C12orf42: variants seen among roughly 807,000 people sequenced by gnomAD.
C12orf42 encodes the protein uncharacterized protein C12orf42.
In C12orf42, 25 loss-of-function variants were observed where a neutral mutation model predicts 21.6. The observed-to-expected ratio is 1.16, with a 90% CI of 0.84 to 1.62. C12orf42 has a LOEUF of 1.62. Among genes scored for constraint, C12orf42 ranks in the 40% most tolerant of loss-of-function variants. The pLI, the probability that C12orf42 is intolerant of heterozygous loss-of-function variation, is 0.00. For missense variants in C12orf42, 483 were observed against 459.3 expected, an observed-to-expected ratio of 1.05 and a Z score of -0.47; for synonymous variants, 174 against 175.0, an observed-to-expected ratio of 0.99 and a Z score of 0.05.
At chr12:103,230,072 G>A in the C12orf42 span, among the ~76,000 whole-genome samples, 3 of 152,188 alleles carry the variant, frequency 2.0e-5, no homozygotes, top group African/African-American at 7.2e-5. Context: ...TTGTTTAAAT[G>A]ATCAAATATT....
intron 2 of C12orf42, among the ~76,000 whole-genome samples, chr12:103,415,559 A>G (rs185163418): frequency 5.9e-5 from 9 of 152,310 alleles, no homozygotes; most frequent in African/African-American, 2.2e-4. Context: ...ATTTTTAAAA[A>G]CTGAAATCAT....
rs1350099731 is a variant in C12orf42, at chr12:103,473,166, A to G, written c.78+5183T>C. Among the ~76,000 whole-genome samples, 4 of 152,358 alleles carry G rather than the reference A, an allele frequency of 2.6e-5. No individual in the cohort carries two copies. In the East Asian group the frequency reaches 7.7e-4, roughly 29 times the overall value. ...TTACAATGCCATTTCTTTGATTAAT[A>G]CAGTACTTTACAGTTGACAAAATAA... On this transcript the variant is annotated intron_variant, in intron 2 of 5. Transcript: ENST00000548883.
chr12:103,178,877 C>T, the C12orf42 span, among the ~76,000 whole-genome samples: 14 of 152,200 alleles, frequency 9.2e-5, no homozygotes, highest in African/African-American at 3.4e-4. Flanking sequence ...TCACAGCCTG[C>T]ATAGACACCT....
chr12:103,489,197 G>T (rs1955028030), intron 1 of C12orf42, among the ~76,000 whole-genome samples: 1 of 152,194 alleles, frequency 6.6e-6, no homozygotes, highest in African/African-American at 2.4e-5. Context: ...CCTTCTAAAA[G>T]TCAGGTCCCT....
intron 5 of C12orf42, among the ~76,000 whole-genome samples, chr12:103,302,866 A>G (rs1484627185): frequency 6.6e-6 from 1 of 152,178 alleles, no homozygotes; most frequent in East Asian, 1.9e-4. Context: ...AAAACTCCTA[A>G]AGAGAGAGAC....
intron 1 of C12orf42, among the ~76,000 whole-genome samples, chr12:103,485,358 T>C (rs1268871249): frequency 6.6e-6 from 1 of 152,258 alleles, no homozygotes; most frequent in Non-Finnish European, 1.5e-5. Flanking sequence ...AGAAACATGC[T>C]GTTTTGGTTA....
At chr12:103,441,077 A>G (rs1312140583) in intron 2 of C12orf42, among the ~76,000 whole-genome samples, 1 of 152,180 alleles carries the variant, frequency 6.6e-6, no homozygotes, top group Non-Finnish European at 1.5e-5. Flanking sequence ...ATCATTTTTA[A>G]TTGATAAGCA....
the C12orf42 span, among the ~76,000 whole-genome samples, chr12:103,184,256 T>A: frequency 6.6e-6 from 1 of 152,198 alleles, no homozygotes; most frequent in Non-Finnish European, 1.5e-5. Context: ...CCTGTTAAGA[T>A]CTTTATGTTT....
chr12:103,462,096 G>A (rs367640501), intron 2 of C12orf42, among the ~76,000 whole-genome samples: 1 of 27,724 alleles, frequency 3.6e-5, no homozygotes. Context: ...TTTTTGCTTG[G>A]TTTTTTTTTT....
chr12:103,315,175 C>T (rs1282292089), intron 4 of C12orf42, among the ~76,000 whole-genome samples: 1 of 151,996 alleles, frequency 6.6e-6, no homozygotes, highest in Non-Finnish European at 1.5e-5. Flanking sequence ...GCTTGGTTTT[C>T]AATAAAAATT....
chr12:103,549,472 T>C, the C12orf42 span: 7 of 152,306 alleles, frequency 4.6e-5, no homozygotes, highest in East Asian at 1.4e-3. Flanking sequence ...TGTGTGCAGA[T>C]CGTTTTCATG....
the C12orf42 span, among the ~76,000 whole-genome samples, chr12:103,216,274 T>A: frequency 2.0e-3 from 312 of 152,320 alleles, no homozygotes; most frequent in African/African-American, 7.0e-3. Context: ...AGGTTTGGGG[T>A]CAGATGTATA....
chr12:103,154,282 A>C, the C12orf42 span, among the ~76,000 whole-genome samples: 1 of 152,166 alleles, frequency 6.6e-6, no homozygotes, highest in African/African-American at 2.4e-5. Flanking sequence ...TTTGTTTGTG[A>C]AAATTCATCA....
chr12:103,441,382 C>A (rs1428983696), intron 2 of C12orf42: 2 of 152,098 alleles, frequency 1.3e-5, no homozygotes, highest in Non-Finnish European at 2.9e-5. Flanking sequence ...CAAACTGAAA[C>A]TGATCATTAA....
the C12orf42 span, among the ~76,000 whole-genome samples, chr12:103,115,088 G>T: frequency 6.6e-6 from 1 of 152,132 alleles, no homozygotes; most frequent in Non-Finnish European, 1.5e-5. Context: ...AGTTCTGGCT[G>T]GTCACACATC....
At chr12:103,365,959 G>A (rs952489951) in intron 4 of C12orf42, among the ~76,000 whole-genome samples, 23 of 150,690 alleles carry the variant, frequency 1.5e-4, no homozygotes, top group African/African-American at 4.1e-4. Flanking sequence ...CATTCTTCAC[G>A]GAACTAGAAA....
chr12:103,398,143 G>A (rs967256112), intron 3 of C12orf42, among the ~76,000 whole-genome samples: 1 of 152,220 alleles, frequency 6.6e-6, no homozygotes, highest in East Asian at 1.9e-4. Flanking sequence ...AGCAGCTTAT[G>A]TGAGACTCTC....
chr12:103,406,133 A>G (rs541628107), intron 2 of C12orf42, among the ~76,000 whole-genome samples: 1 of 152,294 alleles, frequency 6.6e-6, no homozygotes, highest in African/African-American at 2.4e-5. Context: ...CAGGGAATAC[A>G]CTATTCTTGA....
intron 10 of C12orf42, among the ~76,000 whole-genome samples, chr12:103,242,503 T>A (rs932296461): frequency 1.4e-4 from 21 of 152,158 alleles, no homozygotes; most frequent in African/African-American, 4.3e-4. Flanking sequence ...TCACCCTGTC[T>A]TTTTAAAAAG....
Sources: gnomAD v4.1 joint callset for allele counts (sites outside exome capture counted in the v4.1 genomes callset) on GRCh38, gnomAD v4.1.1 for gene constraint, MANE v1.5 for transcripts, NCBI Gene and HGNC (gene_info 2026-07-23, HGNC 2026-07-21) for gene names.